Variants in LYPD6B observed in about 807,000 individuals in gnomAD.
LYPD6B encodes LY6/PLAUR domain containing 6B, also known as ly6/PLAUR domain-containing protein 6B.
In LYPD6B, 17 loss-of-function variants were observed where a neutral mutation model predicts 22.8. That is an observed-to-expected ratio of 0.75 (90% CI 0.51 to 1.12). The LOEUF (loss-of-function observed/expected upper bound fraction) is 1.12, where lower values mean the gene tolerates loss of function less well. Ranked by LOEUF, LYPD6B falls within the 50% of genes most tolerant of loss-of-function variation. The pLI, the probability that LYPD6B is intolerant of heterozygous loss-of-function variation, is 0.00. For synonymous variants in LYPD6B, 106 were observed against 91.6 expected (o/e 1.16, Z -0.90); for missense variants, 221 against 258.3 (o/e 0.86, Z 0.99).
At chr2:149,138,663 TCCC>T (rs777655565) in intron 2 of LYPD6B, among the ~76,000 whole-genome samples, 1 of 152,158 alleles carries the variant, frequency 6.6e-6, no homozygotes, top group Non-Finnish European at 1.5e-5. Flanking sequence ...CACCTCAGGC[TCCC>T]AAGTGGCTAA....
At chr2:149,083,244 A>G (rs894126960) in intron 1 of LYPD6B, among the ~76,000 whole-genome samples, 4 of 152,220 alleles carry the variant, frequency 2.6e-5, no homozygotes, top group Non-Finnish European at 5.9e-5. Context: ...TCTAAGTTTC[A>G]GACATCATAG....
At chr2:149,177,901 G>A (rs1290086684) in intron 3 of LYPD6B, among the ~76,000 whole-genome samples, 1 of 148,796 alleles carries the variant, frequency 6.7e-6, no homozygotes, top group East Asian at 2.0e-4. Context: ...TGTTTATTGA[G>A]CACTTATTAT....
rs141644953 is a variant in LYPD6B at position 149,156,827 on chromosome 2, A to C, written c.6-3937A>C. Among the ~76,000 whole-genome samples the C allele has an allele frequency of 6.1e-3, 934 of 152,306 alleles. 11 individuals carry two copies. The highest frequency in any genetic ancestry group is 0.022 in the African/African-American group (899 of 41,560). On this transcript the variant is annotated intron_variant, in intron 2 of 6. Transcript: ENST00000409642. ...CAGCCCACAACAGAAGGGAATTGTC[A>C]TTCTACAAATTCAAGTTCAATTTCA...
intron 2 of LYPD6B, among the ~76,000 whole-genome samples, chr2:149,147,796 G>A (rs927246472): frequency 6.6e-6 from 1 of 152,132 alleles, no homozygotes; most frequent in Admixed American, 6.5e-5. Context: ...TTATAGGTGT[G>A]AGCCACTGCG....
intron 3 of LYPD6B, among the ~76,000 whole-genome samples, chr2:149,192,081 G>A (rs1005000584): frequency 5.1e-5 from 7 of 137,212 alleles, no homozygotes; most frequent in African/African-American, 1.7e-4. Flanking sequence ...AGCGTGTTAA[G>A]GAGGGCTATG....
At chr2:149,175,385 G>C (rs1027457478) in intron 3 of LYPD6B, among the ~76,000 whole-genome samples, 1 of 152,156 alleles carries the variant, frequency 6.6e-6, no homozygotes, top group African/African-American at 2.4e-5. Context: ...TGGTACACCT[G>C]TATAGGGCAT....
At chr2:149,056,524 C>G (rs1020862445) in intron 1 of LYPD6B, among the ~76,000 whole-genome samples, 3 of 152,008 alleles carry the variant, frequency 2.0e-5, no homozygotes, top group Non-Finnish European at 4.4e-5. Flanking sequence ...CCTTGGAAAT[C>G]TTTTTTTCCA....
At chr2:149,172,201 C>T (rs1016742794) in intron 3 of LYPD6B, among the ~76,000 whole-genome samples, 2 of 152,150 alleles carry the variant, frequency 1.3e-5, no homozygotes, top group Non-Finnish European at 2.9e-5. Context: ...CCCTTATAAA[C>T]TTATTAGACC....
chr2:149,063,499 G>T (rs17419343), intron 1 of LYPD6B, among the ~76,000 whole-genome samples: 10,505 of 152,274 alleles, frequency 0.069, 498 homozygotes, highest in Non-Finnish European at 0.1. Flanking sequence ...GATTTGATTT[G>T]TTGATAATGT....
chr2:149,125,998 A>G (rs976839400), intron 1 of LYPD6B, among the ~76,000 whole-genome samples: 9 of 152,216 alleles, frequency 5.9e-5, no homozygotes, highest in Non-Finnish European at 1.5e-5. Context: ...CACTTTGAAG[A>G]TAACTACTGT....
intron 1 of LYPD6B, among the ~76,000 whole-genome samples, chr2:149,100,504 T>C (rs1686150388): frequency 6.7e-6 from 1 of 150,268 alleles, no homozygotes; most frequent in Non-Finnish European, 1.5e-5. Flanking sequence ...TTAGTAGGGA[T>C]TGGCACAGAG....
intron 2 of LYPD6B, among the ~76,000 whole-genome samples, chr2:149,132,593 A>C (rs1688098937): frequency 6.6e-6 from 1 of 152,036 alleles, no homozygotes; most frequent in South Asian, 2.1e-4. Context: ...AAGGCTTTGA[A>C]GCCTTTTTAG....
chr2:149,207,326 C>T (rs1243734479), intron 4 of LYPD6B, among the ~76,000 whole-genome samples: 2 of 152,126 alleles, frequency 1.3e-5, no homozygotes, highest in African/African-American at 4.8e-5. Flanking sequence ...CTGGTTTTCA[C>T]CCCATCTTCT....
chr2:149,070,197 A>G (rs892826845), intron 1 of LYPD6B, among the ~76,000 whole-genome samples: 2 of 151,958 alleles, frequency 1.3e-5, no homozygotes, highest in East Asian at 3.9e-4. Context: ...ATGTTCCCTA[A>G]CACGCCAGCC....
chr2:149,045,601 C>T (rs1683271988), intron 1 of LYPD6B, among the ~76,000 whole-genome samples: 1 of 152,022 alleles, frequency 6.6e-6, no homozygotes, highest in African/African-American at 2.4e-5. Context: ...TTTGAATTTT[C>T]ACTTAGTTTA....
Position 149,214,835 on chromosome 2 carries a change from G to A in LYPD6B, c.*125G>A, listed in dbSNP as rs535338155. On this transcript the variant is annotated 3_prime_UTR_variant, in exon 7 of 7. Coordinates refer to ENST00000409642, the MANE Select transcript of LYPD6B (RefSeq NM_177964.5). ...TGAAGAGTGCACATTGGACCTCAAG[G>A]CGAAAGCCAGTGGTTTGCTTGGATA... 9.9e-7 allele frequency: 1 copy of A among 1,005,414 alleles called. No individual in the cohort carries two copies. Among genetic ancestry groups the A allele is most frequent in the African/African-American group, 1.6e-5 (1 of 62,916 alleles). 62.3% of individuals were successfully genotyped at this position (1,005,414 alleles called of 1,614,324 possible). A position where few individuals can be genotyped will look rare whatever the true frequency, so the allele number is the denominator to read the frequency against.
intron 1 of LYPD6B, among the ~76,000 whole-genome samples, chr2:149,084,389 T>G (rs1685290671): frequency 2.4e-5 from 1 of 41,986 alleles, no homozygotes; most frequent in South Asian, 5.7e-4. Flanking sequence ...TTTTTATTTA[T>G]TTAATATTTA....
At chr2:149,204,690 A>G (rs1259436701) in intron 3 of LYPD6B, 2 of 154,210 alleles carry the variant, frequency 1.3e-5, no homozygotes, top group African/African-American at 2.4e-5. Flanking sequence ...TCTCTTCTCA[A>G]TGTCGGTGTG....
chr2:149,187,782 T>C (rs1413842443), intron 3 of LYPD6B: 1 of 403,304 alleles, frequency 2.5e-6, no homozygotes, highest in Non-Finnish European at 4.3e-6. Flanking sequence ...TTTAAGAAAG[T>C]TTACAAAATT....
Sources: gnomAD v4.1 joint callset for allele counts (sites outside exome capture counted in the v4.1 genomes callset) on GRCh38, gnomAD v4.1.1 for gene constraint, MANE v1.5 for transcripts, NCBI Gene and HGNC (gene_info 2026-07-23, HGNC 2026-07-21) for gene names.